The following RIN2 variants were observed in gnomAD, a reference collection of about 807,000 sequenced individuals.
RIN2 encodes the protein Ras and Rab interactor 2, also known as RAB5 interacting protein 2.
RIN2 carries 36 observed loss-of-function variants against 78.0 expected under a neutral mutation model. The ratio of observed to expected loss-of-function variants is 0.46; its 90% CI spans 0.35 to 0.61. RIN2 has a LOEUF of 0.61. Ranked by LOEUF, RIN2 falls within the 20% of genes least tolerant of loss-of-function variation. The pLI, the probability that RIN2 is intolerant of heterozygous loss-of-function variation, is 0.00. For synonymous variants in RIN2, 466 were observed against 466.8 expected (o/e 1.00, Z 0.02); for missense variants, 1,087 against 1,159.7 (o/e 0.94, Z 0.91).
At chr20:19,789,559 T>C (rs779722677) in intron 1 of RIN2, among the ~76,000 whole-genome samples, 1 of 152,234 alleles carries the variant, frequency 6.6e-6, no homozygotes, top group Non-Finnish European at 1.5e-5. Context: ...TTACTTTCTC[T>C]TGCTGCAGTT....
chr20:19,945,382 T>G (rs2041049589), intron 4 of RIN2, among the ~76,000 whole-genome samples: 1 of 152,206 alleles, frequency 6.6e-6, no homozygotes, highest in African/African-American at 2.4e-5. Context: ...TGACTGAATG[T>G]GAAAGCCCCT....
intron 2 of RIN2, among the ~76,000 whole-genome samples, chr20:19,839,406 C>T (rs1351340858): frequency 6.6e-6 from 1 of 152,208 alleles, no homozygotes; most frequent in African/African-American, 2.4e-5. Flanking sequence ...CTGAGCAGGA[C>T]CTGCTGCCCA....
chr20:19,971,745 T>C (rs990607552), intron 8 of RIN2, among the ~76,000 whole-genome samples: 2 of 141,002 alleles, frequency 1.4e-5, no homozygotes, highest in Non-Finnish European at 3.0e-5. Flanking sequence ...ATTTTTTTTT[T>C]TTTTTTTTTT....
intron 8 of RIN2, among the ~76,000 whole-genome samples, chr20:19,974,339 C>T (rs955833209): frequency 6.6e-6 from 1 of 152,174 alleles, no homozygotes. Context: ...TGAGCTTATA[C>T]TGGAGCAATT....
At chr20:19,769,614 G>A (rs989602608) in intron 1 of RIN2, among the ~76,000 whole-genome samples, 3 of 152,182 alleles carry the variant, frequency 2.0e-5, no homozygotes, top group African/African-American at 4.8e-5. Context: ...GATGAAGCAC[G>A]TTGTTGTTAC....
intron 2 of RIN2, among the ~76,000 whole-genome samples, chr20:19,853,510 G>C (rs1263532334): frequency 6.6e-6 from 1 of 152,164 alleles, no homozygotes; most frequent in Non-Finnish European, 1.5e-5. Flanking sequence ...CAGTGTAAAA[G>C]TGTTCCTGTT....
At chr20:19,800,274 A>G (rs1028478951) in intron 2 of RIN2, among the ~76,000 whole-genome samples, 6 of 152,178 alleles carry the variant, frequency 3.9e-5, no homozygotes, top group Non-Finnish European at 7.4e-5. Context: ...CTTCACATTG[A>G]AAGGAAATTG....
At chr20:19,919,817 T>C (rs1277769968) in intron 3 of RIN2, among the ~76,000 whole-genome samples, 3 of 151,688 alleles carry the variant, frequency 2.0e-5, no homozygotes, top group African/African-American at 7.3e-5. Flanking sequence ...ATAAAATAAA[T>C]AAAAATGTGA....
intron 2 of RIN2, among the ~76,000 whole-genome samples, chr20:19,877,757 G>T (rs2037900146): frequency 1.3e-5 from 2 of 152,162 alleles, no homozygotes; most frequent in Non-Finnish European, 2.9e-5. Context: ...AGTGGTTCAT[G>T]CCTATAATCT....
chr20:19,849,472 C>A (rs2123166473), intron 2 of RIN2, among the ~76,000 whole-genome samples: 1 of 152,306 alleles, frequency 6.6e-6, no homozygotes, highest in Non-Finnish European at 1.5e-5. Flanking sequence ...TACCCCGACT[C>A]TGCTCCTGCT....
intron 2 of RIN2, among the ~76,000 whole-genome samples, chr20:19,831,185 C>T (rs758247683): frequency 2.0e-5 from 3 of 152,168 alleles, no homozygotes; most frequent in Non-Finnish European, 4.4e-5. Flanking sequence ...TGTGAAGCTG[C>T]CAACTGCTCT....
chr20:19,760,793 GA>G (rs1283929729), intron 1 of RIN2, among the ~76,000 whole-genome samples: 1 of 152,126 alleles, frequency 6.6e-6, no homozygotes, highest in African/African-American at 2.4e-5. Flanking sequence ...GAACCTTCAA[GA>G]ATCCTAATAG....
intron 2 of RIN2, among the ~76,000 whole-genome samples, chr20:19,839,511 G>T (rs1469370546): frequency 6.6e-6 from 1 of 152,178 alleles, no homozygotes; most frequent in Non-Finnish European, 1.5e-5. Context: ...CATGTCTCTG[G>T]GTCCCTGGCT....
At chr20:19,800,072 T>C (rs1177932992) in intron 2 of RIN2, among the ~76,000 whole-genome samples, 3 of 152,148 alleles carry the variant, frequency 2.0e-5, no homozygotes, top group Non-Finnish European at 4.4e-5. Context: ...CATTCAATTA[T>C]CACAACACCA....
chr20:19,828,104 C>T (rs2036150050), intron 2 of RIN2, among the ~76,000 whole-genome samples: 1 of 152,096 alleles, frequency 6.6e-6, no homozygotes, highest in South Asian at 2.1e-4. Context: ...GGTGTCAGAA[C>T]CCCATTTTCA....
intron 2 of RIN2, among the ~76,000 whole-genome samples, chr20:19,860,764 A>G (rs947208138): frequency 2.0e-5 from 3 of 152,154 alleles, no homozygotes; most frequent in Admixed American, 1.3e-4. Flanking sequence ...TTGTCTTTTA[A>G]TGGTTTCTTA....
At chr20:19,821,848 T>A (rs1266057545) in intron 2 of RIN2, among the ~76,000 whole-genome samples, 1 of 152,184 alleles carries the variant, frequency 6.6e-6, no homozygotes, top group Non-Finnish European at 1.5e-5. Flanking sequence ...AGTGTCTGGG[T>A]GCAAAGGGCT....
chr20:19,846,819 A>G (rs960540012), intron 2 of RIN2, among the ~76,000 whole-genome samples: 11 of 152,146 alleles, frequency 7.2e-5, no homozygotes, highest in African/African-American at 2.7e-4. Context: ...GAATGCTTCC[A>G]GTTTTTGCCC....
chr20:19,870,862 A>G (rs527482627), intron 2 of RIN2, among the ~76,000 whole-genome samples: 1 of 152,304 alleles, frequency 6.6e-6, no homozygotes, highest in South Asian at 2.1e-4. Flanking sequence ...GTCTGGAGGA[A>G]CACAGCATCT....
Sources: allele counts gnomAD v4.1 joint callset (sites outside exome capture counted in the v4.1 genomes callset), GRCh38; gene constraint gnomAD v4.1.1; transcripts MANE v1.5; gene names NCBI Gene and HGNC (gene_info 2026-07-23, HGNC 2026-07-21).